ETHE1: variants seen among roughly 807,000 people sequenced by gnomAD.
ETHE1 encodes ETHE1 persulfide dioxygenase, also known as persulfide dioxygenase ETHE1, mitochondrial.
A neutral mutation model predicts 25.7 loss-of-function variants in ETHE1; 16 were observed. The ratio of observed to expected loss-of-function variants is 0.62; its 90% CI spans 0.42 to 0.95. The LOEUF is 0.95. Among genes scored for constraint, ETHE1 ranks in the 40% least tolerant of loss-of-function variants. The pLI is 0.00. For synonymous variants in ETHE1, 139 were observed against 135.9 expected (o/e 1.02, Z -0.16); for missense variants, 300 against 333.6 (o/e 0.90, Z 0.79).
At chr19:43,516,473 T>A (rs926168123) in intron 3 of ETHE1, among the ~76,000 whole-genome samples, 2 of 151,480 alleles carry the variant, frequency 1.3e-5, no homozygotes, top group Non-Finnish European at 2.9e-5. Context: ...CTAATTTTTG[T>A]CTTTTTAGTA....
At chr19:43,527,011 A>C in intron 1 of ETHE1, 86 bp downstream of exon 1, 1 of 1,537,856 alleles carries the variant, frequency 6.5e-7, no homozygotes, top group Non-Finnish European at 8.7e-7. Flanking sequence ...GTCCCCCCGG[A>C]TCTCTCCCTA....
rs1462047269 is a variant in ETHE1 at position 43,514,683 on chromosome 19, A to C, written c.376-3117T>G. Reference sequence around the variant, plus strand: ...ATATTTTTAGTAGAGATGGGGATTCACCATGTTGGTCAGGCTGGTCTCAAA... The same window carrying C: ...ATATTTTTAGTAGAGATGGGGATTCCCCATGTTGGTCAGGCTGGTCTCAAA... On this transcript the variant is annotated intron_variant, in intron 3 of 6. Coordinates refer to ENST00000292147, the MANE Select transcript of ETHE1 (RefSeq NM_014297.5). Among the ~76,000 whole-genome samples the C allele has an allele frequency of 5.9e-5, 9 of 151,850 alleles. No homozygotes were observed. In the East Asian group the frequency reaches 1.7e-3, roughly 29 times the overall value.
chr19:43,517,362 AG>A, intron 3 of ETHE1, among the ~76,000 whole-genome samples: 1 of 148,858 alleles, frequency 6.7e-6, no homozygotes. Flanking sequence ...AAATGCGGCC[AG>A]GCACGGTGGC....
At chr19:43,519,522 A>G (rs1179389946) in intron 3 of ETHE1, among the ~76,000 whole-genome samples, 6 of 152,122 alleles carry the variant, frequency 3.9e-5, no homozygotes, top group Non-Finnish European at 5.9e-5. Context: ...ATGATGCATC[A>G]TGTCTGTGAC....
At chr19:43,526,840 C>G in intron 1 of ETHE1, 181 bp from the exon 2 acceptor site, 1 of 1,485,554 alleles carries the variant, frequency 6.7e-7, no homozygotes, top group Non-Finnish European at 8.9e-7. Flanking sequence ...AAAAGAGTTC[C>G]AACTTCCTAA....
rs138914169 is a variant in ETHE1, at chr19:43,520,285, C to T, written c.375+5916G>A. ...GCTGAGGCAAGAGAATCGCTTGAAC[C>T]CAGGAGGCAGAGGTTGCAGTAAACC... is the stretch of plus-strand genomic sequence containing the variant. On this transcript the variant is annotated intron_variant, in intron 3 of 6. Coordinates refer to ENST00000292147, the MANE Select transcript of ETHE1 (RefSeq NM_014297.5). Among the ~76,000 whole-genome samples, 1,349 of 152,220 alleles carry T rather than the reference C, an allele frequency of 8.9e-3. 23 individuals carry two copies. Among genetic ancestry groups the T allele is most frequent in the African/African-American group, 0.03 (1,260 of 41,512 alleles).
Position 43,526,316 on chromosome 19 carries a change from C to A in ETHE1, c.260G>T (p.Gly87Val). Residue 87 changes from glycine (G) to valine (V), a missense_variant, in exon 3 of 7, where the codon GGC (glycine) becomes GTC (valine). Physicochemically the swap from Gly to Val is moderately radical, Grantham distance 109. Transcript: ENST00000292147. Reference sequence around the variant, plus strand: ...GAGGAGGGAACGGAGCAGCCCCGAGCCTGTAATGTGGTCCGCGTGGCAGTG... The same window carrying A: ...GAGGAGGGAACGGAGCAGCCCCGAGACTGTAATGTGGTCCGCGTGGCAGTG... ...NTHCHADHIT[G>V]SGLLRSLLPG... 1 of 1,614,128 alleles carries A rather than the reference C, an allele frequency of 6.2e-7. No homozygotes were observed. The highest frequency in any genetic ancestry group is 8.5e-7 in the Non-Finnish European group (1 of 1,180,020).
chr19:43,508,109 G>T, intron 5 of ETHE1, 49 bp from the exon 6 acceptor site: 1 of 1,607,916 alleles, frequency 6.2e-7, no homozygotes, highest in Non-Finnish European at 8.5e-7. Flanking sequence ...AGTGCCTCAG[G>T]CCTCTCAGAA....
At chr19:43,519,067 T>C (rs1346465924) in intron 3 of ETHE1, among the ~76,000 whole-genome samples, 1 of 135,944 alleles carries the variant, frequency 7.4e-6, no homozygotes, top group African/African-American at 2.8e-5. Flanking sequence ...TGGAGTGCAG[T>C]GGTGCGATCT....
chr19:43,525,004 G>A (rs1972210761), intron 3 of ETHE1, among the ~76,000 whole-genome samples: 1 of 151,620 alleles, frequency 6.6e-6, no homozygotes, highest in Admixed American at 6.6e-5. Context: ...AAATCAGCCA[G>A]GCGTGCTGGT....
At chr19:43,510,997 A>G (rs1568493206) in intron 4 of ETHE1, among the ~76,000 whole-genome samples, 1 of 152,004 alleles carries the variant, frequency 6.6e-6, no homozygotes, top group Non-Finnish European at 1.5e-5. Flanking sequence ...CGAACTGCAC[A>G]TGCGAGGGAT....
intron 3 of ETHE1, among the ~76,000 whole-genome samples, chr19:43,515,495 C>T (rs1038544013): frequency 6.6e-6 from 1 of 151,940 alleles, no homozygotes; most frequent in South Asian, 2.1e-4. Flanking sequence ...AAACAGTAGT[C>T]CTTCCTTATC....
chr19:43,523,654 G>T (rs1972180614), intron 3 of ETHE1, among the ~76,000 whole-genome samples: 1 of 152,090 alleles, frequency 6.6e-6, no homozygotes, highest in Non-Finnish European at 1.5e-5. Flanking sequence ...TCTCAGACAA[G>T]CCAGCCATGG....
chr19:43,526,410 A>G lies in ETHE1; in HGVS notation c.227-61T>C, dbSNP rs370098282. 3.3e-4 allele frequency: 525 copies of G among 1,609,846 alleles called. 3 individuals carry two copies. The African/African-American group carries it at 6.3e-3, about 19-fold the overall frequency. On this transcript the variant is annotated intron_variant, in intron 2 of 6. Transcript: ENST00000292147. ...AGAAAGGACCTGGGAGTCCCAGCCC[A>G]GATCCTTCTCCCTCAGACTCAGGAG...
intron 3 of ETHE1, among the ~76,000 whole-genome samples, chr19:43,515,541 G>A (rs896216658): frequency 2.0e-5 from 3 of 151,956 alleles, no homozygotes; most frequent in Non-Finnish European, 4.4e-5. Flanking sequence ...GTGGATATCT[G>A]AAACCTCAGA....
chr19:43,511,181 G>A (rs1002272620), intron 4 of ETHE1, among the ~76,000 whole-genome samples: 3 of 152,032 alleles, frequency 2.0e-5, no homozygotes, highest in Admixed American at 6.6e-5. Context: ...ATAATAAAGT[G>A]CACAATAAAT....
At chr19:43,517,555 T>A (rs1972045822) in intron 3 of ETHE1, among the ~76,000 whole-genome samples, 1 of 151,150 alleles carries the variant, frequency 6.6e-6, no homozygotes, top group African/African-American at 2.4e-5. Context: ...GGCAGGTGGA[T>A]GACCTGAGGT....
intron 3 of ETHE1, among the ~76,000 whole-genome samples, chr19:43,520,593 T>C (rs1972119987): frequency 6.6e-6 from 1 of 151,318 alleles, no homozygotes; most frequent in Non-Finnish European, 1.5e-5. Flanking sequence ...TCCAGCTATT[T>C]GGAAGCCTGA....
rs1191563931 is a variant in ETHE1, at chr19:43,526,795, G to A, written c.82-136C>T. 3.9e-6 allele frequency: 6 copies of A among 1,525,124 alleles called. No homozygotes were observed. In the East Asian group the frequency reaches 9.8e-5, roughly 25 times the overall value. 94.5% of individuals were successfully genotyped at this position (1,525,124 alleles called of 1,614,324 possible). On this transcript the variant is annotated intron_variant, in intron 1 of 6. Coordinates refer to ENST00000292147, the MANE Select transcript of ETHE1 (RefSeq NM_014297.5). ...AGCCCACTCTTTCCCCGGGAGTCGG[G>A]AGTCCGGAGCCCCACTACCTTCCCC...
Sources: allele counts gnomAD v4.1 joint callset (sites outside exome capture counted in the v4.1 genomes callset), GRCh38; gene constraint gnomAD v4.1.1; transcripts MANE v1.5; gene names NCBI Gene and HGNC (gene_info 2026-07-23, HGNC 2026-07-21).